Variants in GRAMD1B observed in about 807,000 individuals in gnomAD.
The protein encoded by GRAMD1B is GRAM domain containing 1B.
A neutral mutation model predicts 99.7 loss-of-function variants in GRAMD1B; 37 were observed. That is an observed-to-expected ratio of 0.37 (90% CI 0.29 to 0.49). The LOEUF (loss-of-function observed/expected upper bound fraction) is 0.49, where lower values mean the gene tolerates loss of function less well. Ranked by LOEUF, GRAMD1B falls within the 20% of genes least tolerant of loss-of-function variation. GRAMD1B has a pLI of 0.98. For missense variants in GRAMD1B, 888 were observed against 1,009.2 expected, an observed-to-expected ratio of 0.88 and a Z score of 1.63; for synonymous variants, 427 against 387.6, an observed-to-expected ratio of 1.10 and a Z score of -1.19.
chr11:123,397,941 A>G (rs1164626784), intron 1 of GRAMD1B, among the ~76,000 whole-genome samples: 2 of 152,246 alleles, frequency 1.3e-5, no homozygotes, highest in East Asian at 3.8e-4. Flanking sequence ...ATTAATGAAG[A>G]GTATTCCATT....
chr11:123,462,486 A>G (rs1353341617), intron 1 of GRAMD1B, among the ~76,000 whole-genome samples: 1 of 152,198 alleles, frequency 6.6e-6, no homozygotes, highest in Non-Finnish European at 1.5e-5. Flanking sequence ...TGAACATTCA[A>G]GCTCAGCTCA....
chr11:123,596,058 G>A (rs749260007), intron 7 of GRAMD1B, 21 bp downstream of exon 7: 2 of 1,344,474 alleles, frequency 1.5e-6, no homozygotes, highest in Non-Finnish European at 2.1e-6. Context: ...TCTAACTCTG[G>A]CCTTTCTAAT....
chr11:123,560,602 A>C (rs1156842936), intron 2 of GRAMD1B: 4 of 529,450 alleles, frequency 7.6e-6, no homozygotes, highest in Non-Finnish European at 1.3e-5. Context: ...TGAATGAATG[A>C]GTTCCTCTCT....
intron 2 of GRAMD1B, among the ~76,000 whole-genome samples, chr11:123,486,458 A>C (rs1276673267): frequency 1.3e-5 from 2 of 151,870 alleles, no homozygotes; most frequent in East Asian, 3.9e-4. Context: ...CTGAGGTACA[A>C]GATCCCTTGA....
At chr11:123,400,903 G>A (rs773434640) in intron 1 of GRAMD1B, among the ~76,000 whole-genome samples, 4 of 151,986 alleles carry the variant, frequency 2.6e-5, no homozygotes, top group African/African-American at 4.8e-5. Context: ...TTTTATAGAT[G>A]AAAAAGCAAA....
chr11:123,457,171 G>T (rs1473180125), intron 1 of GRAMD1B, among the ~76,000 whole-genome samples: 1 of 120,824 alleles, frequency 8.3e-6, no homozygotes, highest in South Asian at 2.7e-4. Flanking sequence ...ATCCCTTCCT[G>T]CTGTGAAGTA....
chr11:123,493,998 T>C (rs1938918359), intron 2 of GRAMD1B, among the ~76,000 whole-genome samples: 1 of 152,172 alleles, frequency 6.6e-6, no homozygotes, highest in African/African-American at 2.4e-5. Context: ...TTATTTTCCA[T>C]TTTAGCATTA....
chr11:123,422,919 C>T (rs1371099629), intron 1 of GRAMD1B, among the ~76,000 whole-genome samples: 1 of 140,464 alleles, frequency 7.1e-6, no homozygotes, highest in African/African-American at 2.8e-5. Flanking sequence ...AATTGTAGTT[C>T]TTGGACTGGT....
chr11:123,558,909 C>G (rs1050472056), intron 2 of GRAMD1B, among the ~76,000 whole-genome samples: 1 of 152,214 alleles, frequency 6.6e-6, no homozygotes, highest in Admixed American at 6.5e-5. Context: ...CAGAATGAGA[C>G]ATTTTGCCAA....
intron 3 of GRAMD1B, among the ~76,000 whole-genome samples, chr11:123,579,782 T>C (rs570156536): frequency 6.6e-6 from 1 of 152,064 alleles, no homozygotes; most frequent in Non-Finnish European, 1.5e-5. Context: ...TTCTGTAAGC[T>C]CCGAGGTAGG....
chr11:123,578,264 A>AC (rs1948952619), intron 3 of GRAMD1B: 1 of 646,274 alleles, frequency 1.5e-6, no homozygotes, highest in Admixed American at 2.5e-5. Flanking sequence ...TCACCCTGGG[A>AC]CCCCCAGGGC....
At chr11:123,526,285 G>C in intron 2 of GRAMD1B, 1 of 905,662 alleles carries the variant, frequency 1.1e-6, no homozygotes, top group Non-Finnish European at 1.8e-6. Context: ...GGCATCGAGG[G>C]GTTAAGATGT....
At chr11:123,560,561 T>TCCCCCCC in intron 2 of GRAMD1B, 1 of 794,298 alleles carries the variant, frequency 1.3e-6, no homozygotes, top group Non-Finnish European at 1.8e-6. Flanking sequence ...GGGCCCCCGC[T>TCCCCCCC]CCCCGCCCCC....
intron 2 of GRAMD1B, among the ~76,000 whole-genome samples, chr11:123,553,286 A>G (rs1269772326): frequency 6.6e-6 from 1 of 152,246 alleles, no homozygotes; most frequent in Admixed American, 6.5e-5. Flanking sequence ...TATTTGGATA[A>G]GATTAAAAGA....
chr11:123,388,903 G>A (rs12226119), intron 1 of GRAMD1B, among the ~76,000 whole-genome samples: 60,351 of 152,036 alleles, frequency 0.4, 17,844 homozygotes, highest in African/African-American at 0.84. Flanking sequence ...AGGTTCATGT[G>A]TTTTGTTACA....
At chr11:123,470,516 T>C (rs868247226) in intron 1 of GRAMD1B, among the ~76,000 whole-genome samples, 7,726 of 141,032 alleles carry the variant, frequency 0.055, 573 homozygotes, top group African/African-American at 0.2. Context: ...CTTTCTTTTT[T>C]TTTTTTTTTT....
At chr11:123,474,440 A>T (rs1951165860) in intron 1 of GRAMD1B, among the ~76,000 whole-genome samples, 1 of 152,216 alleles carries the variant, frequency 6.6e-6, no homozygotes, top group African/African-American at 2.4e-5. Flanking sequence ...CTGAACTCAG[A>T]TACTGTGACT....
Position 123,591,445 on chromosome 11 carries a change from G to A in GRAMD1B, c.685-2637G>A. ...TCCTCTGGAGCCTTCTGCTGGAGCAGGAGAGCCAGCTGCTGCAGTGGTACC... is the reference window on the plus strand; with the variant it reads ...TCCTCTGGAGCCTTCTGCTGGAGCAAGAGAGCCAGCTGCTGCAGTGGTACC... On this transcript the variant is annotated intron_variant, in intron 4 of 19. Transcript: ENST00000635736. The surrounding 1 kb of genome is among the most constrained non-coding windows in gnomAD (Gnocchi z 4.7). 1 of 399,106 alleles carries A rather than the reference G, an allele frequency of 2.5e-6. No individual in the cohort carries two copies. 24.7% of individuals were successfully genotyped at this position (399,106 alleles called of 1,614,324 possible).
chr11:123,558,494 A>G (rs926461968), intron 2 of GRAMD1B, among the ~76,000 whole-genome samples: 1 of 152,308 alleles, frequency 6.6e-6, no homozygotes, highest in East Asian at 1.9e-4. Context: ...TGACTTCATC[A>G]TCTTTTCAAC....
Sources: gnomAD v4.1 joint callset for allele counts (sites outside exome capture counted in the v4.1 genomes callset) on GRCh38, gnomAD v4.1.1 for gene constraint, Gnocchi (gnomAD v3.1) non-coding constraint, MANE v1.5 for transcripts, NCBI Gene and HGNC (gene_info 2026-07-23, HGNC 2026-07-21) for gene names.